Variants in PCDH15 observed in about 807,000 individuals in gnomAD.
The protein encoded by PCDH15 is protocadherin related 15.
A neutral mutation model predicts 178.5 loss-of-function variants in PCDH15; 129 were observed. That is an observed-to-expected ratio of 0.72 (90% confidence interval 0.63 to 0.84). The LOEUF (loss-of-function observed/expected upper bound fraction) is 0.84, where lower values mean the gene tolerates loss of function less well. Among genes scored for constraint, PCDH15 ranks in the 40% least tolerant of loss-of-function variants. The pLI is 0.00. For synonymous variants in PCDH15, 800 were observed against 732.0 expected (o/e 1.09, Z -1.50); for missense variants, 2,230 against 2,099.9 (o/e 1.06, Z -1.21).
intron 2 of PCDH15, chr10:55,506,216 G>A (rs1840756526): frequency 6.6e-6 from 1 of 151,394 alleles, no homozygotes; most frequent in Non-Finnish European, 1.5e-5. Flanking sequence ...AGATAACTAA[G>A]TAGATGGTGG....
chr10:53,969,766 TA>T (rs1318291013), intron 21 of PCDH15, among the ~76,000 whole-genome samples: 1 of 152,138 alleles, frequency 6.6e-6, no homozygotes, highest in Non-Finnish European at 1.5e-5. Flanking sequence ...CTAAGCTTCA[TA>T]AGTGAAGGAG....
chr10:54,683,344 T>A (rs1335334592), intron 1 of PCDH15, among the ~76,000 whole-genome samples: 2 of 152,026 alleles, frequency 1.3e-5, no homozygotes, highest in Admixed American at 1.3e-4. Context: ...GTGCTCCCCA[T>A]TAAGCCCTGC....
intron 13 of PCDH15, among the ~76,000 whole-genome samples, chr10:54,170,583 C>A (rs1040259594): frequency 2.6e-5 from 4 of 151,144 alleles, no homozygotes; most frequent in African/African-American, 4.9e-5. Flanking sequence ...CCCACAATTA[C>A]CGTCGTTCTT....
At chr10:54,667,730 T>G (rs1189928820) in intron 1 of PCDH15, among the ~76,000 whole-genome samples, 1 of 152,090 alleles carries the variant, frequency 6.6e-6, no homozygotes, top group Non-Finnish European at 1.5e-5. Context: ...CTAATAATGT[T>G]ATGTTCTAAA....
chr10:54,995,144 A>T (rs887055070), intron 2 of PCDH15, among the ~76,000 whole-genome samples: 31 of 152,068 alleles, frequency 2.0e-4, no homozygotes, highest in African/African-American at 7.0e-4. Context: ...TGGGAGGCCG[A>T]GGCGGGCGGA....
intron 1 of PCDH15, among the ~76,000 whole-genome samples, chr10:54,694,605 TTTA>T (rs535870732): frequency 9.5e-4 from 145 of 152,064 alleles, no homozygotes; most frequent in Non-Finnish European, 1.4e-3. Context: ...TATTTCAAAC[TTTA>T]TTATTATTAT....
At chr10:54,296,144 C>CAAAAAAAAAAAAAAAAAAAAAAAAAAA (rs59721161) in intron 8 of PCDH15, among the ~76,000 whole-genome samples, 4 of 48,222 alleles carry the variant, frequency 8.3e-5, no homozygotes, top group African/African-American at 2.4e-4. Context: ...GACTCCGTCT[C>CAAAAAAAAAAAAAAAAAAAAAAAAAAA]AAAAAAAAAA....
intron 1 of PCDH15, among the ~76,000 whole-genome samples, chr10:55,252,604 A>T (rs924117613): frequency 6.6e-6 from 1 of 152,052 alleles, no homozygotes; most frequent in African/African-American, 2.4e-5. Context: ...TAATATAAAC[A>T]TTAATTAGCT....
chr10:54,153,260 C>T lies in PCDH15; in HGVS notation c.1624G>A (p.Gly542Arg), dbSNP rs748605688. ...ACAAGGATTTCATATGTGATCTCCC[C>T]ATTTGACCCTTCGTCTGCGTCGACT... The part of the protein sequence containing the change: ...TAVDADEGSN[G>R]EITYEILVGA... The change falls in exon 14 of 38, where the codon GGG (glycine) becomes AGG (arginine). Residue 542 changes from glycine (G) to arginine (R), a missense_variant. Coordinates refer to ENST00000644397, the MANE Select transcript of PCDH15 (RefSeq NM_001384140.1). The T allele has an allele frequency of 6.2e-7, 1 of 1,613,798 alleles. No individual in the cohort carries two copies. Among genetic ancestry groups the T allele is most frequent in the Non-Finnish European group, 8.5e-7 (1 of 1,179,852 alleles).
chr10:55,260,110 T>G (rs1222187643), intron 1 of PCDH15, among the ~76,000 whole-genome samples: 1 of 151,012 alleles, frequency 6.6e-6, no homozygotes, highest in African/African-American at 2.4e-5. Flanking sequence ...TGAAACATTG[T>G]GGGGTCCAAA....
intron 2 of PCDH15, among the ~76,000 whole-genome samples, chr10:55,013,070 A>C (rs1840084933): frequency 6.6e-6 from 1 of 152,148 alleles, no homozygotes; most frequent in South Asian, 2.1e-4. Flanking sequence ...ATTGCCCCCA[A>C]GCTGAAACAT....
chr10:54,118,803 T>TA (rs1338931381), intron 15 of PCDH15, among the ~76,000 whole-genome samples: 1 of 151,630 alleles, frequency 6.6e-6, no homozygotes, highest in African/African-American at 2.4e-5. Flanking sequence ...AATGATGAAT[T>TA]AGAGACTTTG....
chr10:54,029,528 AT>A (rs1440030820), intron 18 of PCDH15, among the ~76,000 whole-genome samples: 3 of 152,158 alleles, frequency 2.0e-5, no homozygotes, highest in Non-Finnish European at 4.4e-5. Context: ...CTGTAGTCAA[AT>A]AAAGACCTCA....
chr10:55,562,093 T>C (rs1376217260), intron 2 of PCDH15, among the ~76,000 whole-genome samples: 1 of 151,970 alleles, frequency 6.6e-6, no homozygotes, highest in Non-Finnish European at 1.5e-5. Flanking sequence ...GTACACGTTG[T>C]CTCAAGAGTA....
intron 2 of PCDH15, among the ~76,000 whole-genome samples, chr10:54,626,797 T>A (rs1565789129): frequency 6.6e-6 from 1 of 152,064 alleles, no homozygotes; most frequent in Non-Finnish European, 1.5e-5. Flanking sequence ...GAATGGTAGA[T>A]CCACTGACAG....
chr10:54,516,470 A>G (rs1357357467), intron 3 of PCDH15, among the ~76,000 whole-genome samples: 1 of 152,060 alleles, frequency 6.6e-6, no homozygotes, highest in Non-Finnish European at 1.5e-5. Flanking sequence ...GTGATGGAAG[A>G]TGAAATGAAT....
intron 14 of PCDH15, among the ~76,000 whole-genome samples, chr10:54,148,707 C>T (rs748225481): frequency 6.6e-6 from 1 of 151,950 alleles, no homozygotes; most frequent in African/African-American, 2.4e-5. Flanking sequence ...ATCAACATGA[C>T]GTCACCTTAA....
At chr10:54,233,549 A>G (rs1486790915) in intron 9 of PCDH15, among the ~76,000 whole-genome samples, 2 of 152,200 alleles carry the variant, frequency 1.3e-5, no homozygotes, top group African/African-American at 4.8e-5. Flanking sequence ...ATGGCCTAAC[A>G]TGATCTATAC....
Position 54,062,783 on chromosome 10 carries a change from AT to A in PCDH15, c.2220+3973del, listed in dbSNP as rs201529370. The stretch of plus-strand genomic sequence containing the variant: ...CACTAGGAAAAGCGGGAAAAAAAAA[AT>A]AAGAAAAAAAGGAAAAGAAATTTAA... On this transcript the variant is annotated intron_variant, in intron 18 of 37. Transcript: ENST00000644397. Among the ~76,000 whole-genome samples, 276 of 148,216 alleles carry A rather than the reference AT, an allele frequency of 1.9e-3. 1 individual carries two copies. The highest frequency in any genetic ancestry group is 6.1e-3 in the African/African-American group (245 of 40,334).
Sources: allele counts gnomAD v4.1 joint callset (sites outside exome capture counted in the v4.1 genomes callset), GRCh38; gene constraint gnomAD v4.1.1; transcripts MANE v1.5; gene names NCBI Gene and HGNC (gene_info 2026-07-23, HGNC 2026-07-21).